The following TMEM135 variants were observed in gnomAD, a reference collection of about 807,000 sequenced individuals.
The protein encoded by TMEM135 is transmembrane protein 135.
Under a neutral mutation model 60.3 loss-of-function variants are expected in TMEM135, and 30 were observed. That is an observed-to-expected ratio of 0.50 (90% CI 0.37 to 0.68). The LOEUF (loss-of-function observed/expected upper bound fraction) is 0.68, where lower values mean the gene tolerates loss of function less well. Among genes scored for constraint, TMEM135 ranks in the 30% least tolerant of loss-of-function variants. The pLI is 0.00. For synonymous variants in TMEM135, 190 were observed against 186.7 expected (o/e 1.02, Z -0.14); for missense variants, 468 against 548.8 (o/e 0.85, Z 1.47).
chr11:87,124,639 A>G (rs963792100), intron 4 of TMEM135, among the ~76,000 whole-genome samples: 16 of 152,160 alleles, frequency 1.1e-4, no homozygotes, highest in African/African-American at 3.9e-4. Context: ...ATGTGTTGAT[A>G]TATCCTGATA....
At chr11:87,139,756 A>G (rs75315505) in intron 4 of TMEM135, among the ~76,000 whole-genome samples, 15,625 of 152,112 alleles carry the variant, frequency 0.1, 831 homozygotes, top group African/African-American at 0.12. Flanking sequence ...GTGGAGTGGT[A>G]TCTTATTTTG....
intron 1 of TMEM135, among the ~76,000 whole-genome samples, chr11:87,057,620 C>T (rs1278379181): frequency 6.6e-6 from 1 of 152,098 alleles, no homozygotes; most frequent in Non-Finnish European, 1.5e-5. Context: ...CATATAAAAG[C>T]TTTAAAAACT....
At chr11:87,068,767 C>T (rs934720330) in intron 2 of TMEM135, among the ~76,000 whole-genome samples, 46 of 148,378 alleles carry the variant, frequency 3.1e-4, no homozygotes, top group African/African-American at 1.0e-3. Flanking sequence ...GCCGAGATCG[C>T]GCCATTGCAC....
intron 6 of TMEM135, among the ~76,000 whole-genome samples, chr11:87,285,968 C>G (rs1224774278): frequency 6.6e-6 from 1 of 152,058 alleles, no homozygotes; most frequent in Non-Finnish European, 1.5e-5. Context: ...AATCCTCTAG[C>G]TAGACATAAA....
chr11:87,198,226 C>A, intron 5 of TMEM135, among the ~76,000 whole-genome samples: 1 of 152,160 alleles, frequency 6.6e-6, no homozygotes, highest in East Asian at 1.9e-4. Flanking sequence ...TTTTTAGTTC[C>A]CATATTTGAG....
chr11:87,054,969 C>A (rs1414586233), intron 1 of TMEM135, among the ~76,000 whole-genome samples: 2 of 152,042 alleles, frequency 1.3e-5, no homozygotes, highest in Non-Finnish European at 2.9e-5. Context: ...TTTCATTAAT[C>A]AAATATTACA....
At chr11:87,080,945 C>T (rs1261090163) in intron 3 of TMEM135, among the ~76,000 whole-genome samples, 3 of 151,990 alleles carry the variant, frequency 2.0e-5, no homozygotes, top group Admixed American at 6.6e-5. Flanking sequence ...CTTGGCCTCC[C>T]GAAGTGCTGG....
chr11:87,303,943 G>C (rs997637554), intron 8 of TMEM135, among the ~76,000 whole-genome samples: 9 of 152,218 alleles, frequency 5.9e-5, no homozygotes, highest in African/African-American at 2.2e-4. Flanking sequence ...TGGTATGAAA[G>C]TGGATGCAGA....
At chr11:87,186,425 T>C (rs888224404) in intron 5 of TMEM135, among the ~76,000 whole-genome samples, 1 of 152,208 alleles carries the variant, frequency 6.6e-6, no homozygotes. Context: ...TAGTGTTTTA[T>C]TATTTAAGAG....
In TMEM135 at chr11:87,189,659, C is replaced by G. The variant is rs547857140; in HGVS notation, c.462+32253C>G. Among the ~76,000 whole-genome samples, 29 of 151,686 alleles carry G rather than the reference C, an allele frequency of 1.9e-4. No homozygotes were observed. The South Asian group carries it at 3.4e-3, about 18-fold the overall frequency. On this transcript the variant is annotated intron_variant, in intron 5 of 14. Transcript: ENST00000305494. ...TTAGGGTAAGTACAGTGCCTCACAC[C>G]TGTAATCCTAGCACTTTGGGAGACC...
At chr11:87,085,990 A>G (rs567806475) in intron 3 of TMEM135, among the ~76,000 whole-genome samples, 1 of 152,314 alleles carries the variant, frequency 6.6e-6, no homozygotes, top group Non-Finnish European at 1.5e-5. Flanking sequence ...TTGGGTGGGT[A>G]AAATTTGATT....
chr11:87,208,088 G>A (rs1312789343), intron 5 of TMEM135, among the ~76,000 whole-genome samples: 1 of 152,168 alleles, frequency 6.6e-6, no homozygotes, highest in Non-Finnish European at 1.5e-5. Flanking sequence ...TCCAAAGGAT[G>A]GCAGCTTCAA....
At chr11:87,199,773 T>C (rs538848493) in intron 5 of TMEM135, among the ~76,000 whole-genome samples, 1 of 152,156 alleles carries the variant, frequency 6.6e-6, no homozygotes, top group African/African-American at 2.4e-5. Context: ...CTACTAAAAA[T>C]ACAAAAATTA....
chr11:87,062,018 T>C (rs1026274042), intron 1 of TMEM135, among the ~76,000 whole-genome samples: 7 of 152,180 alleles, frequency 4.6e-5, no homozygotes, highest in African/African-American at 1.7e-4. Context: ...GTACTTTTTT[T>C]TTCTTGAGAC....
At chr11:87,134,455 A>T (rs10898605) in intron 4 of TMEM135, among the ~76,000 whole-genome samples, 10 of 152,106 alleles carry the variant, frequency 6.6e-5, no homozygotes, top group African/African-American at 2.4e-4. Context: ...GGTTATATGG[A>T]GAGCACATGT....
intron 1 of TMEM135, among the ~76,000 whole-genome samples, chr11:87,053,215 T>G (rs1322244129): frequency 6.6e-6 from 1 of 151,448 alleles, no homozygotes; most frequent in African/African-American, 2.4e-5. Flanking sequence ...AAGTGTATTT[T>G]TATGGAATAC....
intron 3 of TMEM135, among the ~76,000 whole-genome samples, chr11:87,081,043 A>T (rs2135154530): frequency 6.6e-6 from 1 of 151,782 alleles, no homozygotes; most frequent in Middle Eastern, 3.4e-3. Context: ...CAGTTTGCAG[A>T]GTGTATTTCT....
At chr11:87,245,450 G>T (rs1256034857) in intron 6 of TMEM135, among the ~76,000 whole-genome samples, 3 of 117,232 alleles carry the variant, frequency 2.6e-5, no homozygotes, top group Non-Finnish European at 5.6e-5. Flanking sequence ...TGACAGTGGG[G>T]TGTTAAAGTC....
At chr11:87,116,370 T>G (rs1436685180) in intron 4 of TMEM135, among the ~76,000 whole-genome samples, 2 of 152,178 alleles carry the variant, frequency 1.3e-5, no homozygotes, top group Non-Finnish European at 2.9e-5. Flanking sequence ...TGGAAGTCAT[T>G]ACTCTGACAT....
Sources: allele counts gnomAD v4.1 joint callset (sites outside exome capture counted in the v4.1 genomes callset), GRCh38; gene constraint gnomAD v4.1.1; transcripts MANE v1.5; gene names NCBI Gene and HGNC (gene_info 2026-07-23, HGNC 2026-07-21).